The following INSR variants were observed in gnomAD, a reference collection of about 807,000 sequenced individuals.
The protein encoded by INSR is IR.
In INSR, 67 loss-of-function variants were observed where a neutral mutation model predicts 142.6. The observed-to-expected ratio is 0.47, with a 90% CI of 0.39 to 0.58. The LOEUF is 0.58. INSR is among the 20% of genes least tolerant of loss of function. The probability of loss-of-function intolerance (pLI) is 0.00; values close to 1 mark genes in which losing one functional copy is unlikely to be tolerated. For synonymous variants in INSR, 756 were observed against 743.1 expected (o/e 1.02, Z -0.28); for missense variants, 1,248 against 1,833.2 (o/e 0.68, Z 5.83).
At chr19:7,187,570 C>G (rs757479993) in intron 2 of INSR, among the ~76,000 whole-genome samples, 8 of 151,950 alleles carry the variant, frequency 5.3e-5, no homozygotes, top group Admixed American at 1.3e-4. Flanking sequence ...AAATGTGTAA[C>G]GATTTCTTTT....
chr19:7,151,760 G>A (rs1308257780), intron 10 of INSR, among the ~76,000 whole-genome samples: 2 of 151,484 alleles, frequency 1.3e-5, no homozygotes, highest in East Asian at 1.9e-4. Flanking sequence ...AAGTCTGCTC[G>A]GATGAATAGC....
rs1968578049 is a variant in INSR at position 7,294,159 on chromosome 19, C to G, written c.-268G>C. On this transcript the variant is annotated 5_prime_UTR_variant, in exon 1 of 22. Transcript: ENST00000302850. ...CGGCCGCTGCGGCCCGGGCCCCGTC[C>G]CAGGATCTCGGGGCCCGGAGCTCCG... The G allele has an allele frequency of 5.7e-6, 1 of 176,728 alleles. No individual in the cohort carries two copies. The highest frequency in any genetic ancestry group is 6.3e-5 in the Admixed American group (1 of 15,896). 10.9% of individuals were successfully genotyped at this position (176,728 alleles called of 1,614,324 possible).
intron 8 of INSR, among the ~76,000 whole-genome samples, chr19:7,164,189 T>C (rs919713232): frequency 1.3e-5 from 2 of 151,868 alleles, no homozygotes; most frequent in Non-Finnish European, 2.9e-5. Context: ...GATAATTCTT[T>C]GTCATGAAGG....
At position 7,245,899 on chromosome 19, in the gene INSR, T is replaced by A. The variant is rs577497177; in HGVS notation, c.652+21446A>T. On this transcript the variant is annotated intron_variant, in intron 2 of 21. Transcript: ENST00000302850. Reference sequence around the variant, plus strand: ...CCAAAAGCAAATTCATGGTTTTGGTTGAATTTAATACCTGATGAAGAAAAC... The same window carrying A: ...CCAAAAGCAAATTCATGGTTTTGGTAGAATTTAATACCTGATGAAGAAAAC... Among the ~76,000 whole-genome samples, 24 of 152,286 alleles carry A rather than the reference T, an allele frequency of 1.6e-4. 1 individual carries two copies. In the South Asian group the frequency reaches 5.0e-3, roughly 32 times the overall value.
At chr19:7,196,842 A>C (rs112087594) in intron 2 of INSR, among the ~76,000 whole-genome samples, 89 of 152,332 alleles carry the variant, frequency 5.8e-4, no homozygotes, top group African/African-American at 2.0e-3. Context: ...GAAATTTCCA[A>C]ACGGAACAGT....
At chr19:7,251,108 C>T (rs1976714006) in intron 2 of INSR, among the ~76,000 whole-genome samples, 2 of 151,992 alleles carry the variant, frequency 1.3e-5, no homozygotes, top group Non-Finnish European at 2.9e-5. Context: ...TGGCCTCCAT[C>T]TGCTCAATGA....
intron 3 of INSR, among the ~76,000 whole-genome samples, chr19:7,182,941 T>C (rs956066517): frequency 5.4e-5 from 8 of 149,530 alleles, no homozygotes; most frequent in African/African-American, 2.0e-4. Flanking sequence ...AACAAAAGTC[T>C]GTCTGGTATG....
At chr19:7,292,477 G>GT (rs1555693270) in intron 1 of INSR, among the ~76,000 whole-genome samples, 1 of 150,030 alleles carries the variant, frequency 6.7e-6, no homozygotes, top group African/African-American at 2.4e-5. Context: ...GGCTGGGGGG[G>GT]GGTGGGCCCG....
chr19:7,201,428 C>A (rs1974948433), intron 2 of INSR, among the ~76,000 whole-genome samples: 1 of 151,856 alleles, frequency 6.6e-6, no homozygotes, highest in Non-Finnish European at 1.5e-5. Flanking sequence ...AGTTCAAGAC[C>A]AGCCTGGCCA....
Position 7,172,390 on chromosome 19 carries a change from C to T in INSR, c.1168G>A (p.Glu390Lys). The stretch of plus-strand genomic sequence containing the variant: ...CGGATTTTTAGATACCCTGAAATTT[C>T]TTCAATGAGGCCGAGGTTGGCTTCT... The part of the protein sequence containing the change: ...ELEANLGLIE[E>K]ISGYLKIRRS... Residue 390 changes from glutamate (E) to lysine (K), a missense_variant, in exon 5 of 22, where the codon GAA (glutamate) becomes AAA (lysine). Glu to Lys is a moderately conservative substitution (Grantham distance 56). Around this residue, in one of 3 missense-constraint regions of INSR, gnomAD observed 1,069 missense variants for 1,654.0 expected, o/e 0.65. Transcript: ENST00000302850. 1 of 1,614,066 alleles carries T rather than the reference C, an allele frequency of 6.2e-7. No homozygotes were observed. The highest frequency in any genetic ancestry group is 1.3e-5 in the African/African-American group (1 of 75,028).
chr19:7,123,230 G>A (rs140258177), intron 17 of INSR: 70 of 490,232 alleles, frequency 1.4e-4, no homozygotes, highest in South Asian at 5.7e-4. Context: ...GTGCAGTGGC[G>A]TGATCTCGGC....
chr19:7,226,083 G>A (rs988053534), intron 2 of INSR, among the ~76,000 whole-genome samples: 14 of 152,298 alleles, frequency 9.2e-5, no homozygotes, highest in African/African-American at 3.4e-4. Context: ...TCAAATGGCT[G>A]GCTGTAACAC....
chr19:7,248,482 T>A (rs1217284093), intron 2 of INSR, among the ~76,000 whole-genome samples: 1 of 60,758 alleles, frequency 1.6e-5, no homozygotes, highest in Non-Finnish European at 3.1e-5. Flanking sequence ...GGAGACCCCA[T>A]CTCAAAAAAA....
At chr19:7,206,429 G>A (rs114706911) in intron 2 of INSR, among the ~76,000 whole-genome samples, 2 of 152,270 alleles carry the variant, frequency 1.3e-5, no homozygotes, top group Middle Eastern at 6.8e-3. Flanking sequence ...CACAGCAGTG[G>A]ACGAGGGGCG....
chr19:7,123,069 A>G, intron 17 of INSR, 80 bp from the exon 18 acceptor site: 5 of 1,036,760 alleles, frequency 4.8e-6, no homozygotes, highest in Non-Finnish European at 7.3e-6. Flanking sequence ...CCTGGTGTCT[A>G]TGTCACACAC....
chr19:7,193,058 G>A (rs1228710818), intron 2 of INSR, among the ~76,000 whole-genome samples: 1 of 151,946 alleles, frequency 6.6e-6, no homozygotes, highest in Non-Finnish European at 1.5e-5. Flanking sequence ...GCAGTTCAAA[G>A]CAAAGGAACG....
At chr19:7,184,060 CA>C (rs533682498) in intron 3 of INSR, among the ~76,000 whole-genome samples, 183 of 85,024 alleles carry the variant, frequency 2.2e-3, no homozygotes, top group Middle Eastern at 6.9e-3. Context: ...GACTCCATCT[CA>C]AAAAAAAAAA....
intron 4 of INSR, 130 bp downstream of exon 4, chr19:7,174,453 C>T (rs1421746224): frequency 5.1e-6 from 5 of 984,266 alleles, no homozygotes; most frequent in Admixed American, 1.7e-5. Flanking sequence ...ATGGGGGAGC[C>T]ACTGAACGAC....
intron 18 of INSR, 34 bp downstream of exon 18, chr19:7,122,845 C>A (rs2288406): frequency 7.6e-5 from 122 of 1,607,688 alleles, no homozygotes; most frequent in Non-Finnish European, 1.0e-4. Context: ...GGTGCTCCAC[C>A]GAGTACCCCG....
Sources: gnomAD v4.1 joint callset for allele counts (sites outside exome capture counted in the v4.1 genomes callset) on GRCh38, gnomAD v4.1.1 for gene constraint, gnomAD v4.1.1 regional missense constraint, MANE v1.5 for transcripts, NCBI Gene and HGNC (gene_info 2026-07-23, HGNC 2026-07-21) for gene names.